The following VAC14 variants were observed in gnomAD, a reference collection of about 807,000 sequenced individuals.
VAC14 encodes the protein VAC14 component of PIKFYVE complex.
In VAC14, 47 loss-of-function variants were observed where a neutral mutation model predicts 85.3. That is an observed-to-expected ratio of 0.55 (90% CI 0.44 to 0.70). The LOEUF (loss-of-function observed/expected upper bound fraction) is 0.70. Ranked by LOEUF, VAC14 falls within the 30% of genes least tolerant of loss-of-function variation. The probability of loss-of-function intolerance (pLI) is 0.00; values close to 1 mark genes in which losing one functional copy is unlikely to be tolerated. For synonymous variants in VAC14, 447 were observed against 430.5 expected (o/e 1.04, Z -0.47); for missense variants, 861 against 1,004.3 (o/e 0.86, Z 1.93).
intron 9 of VAC14, among the ~76,000 whole-genome samples, chr16:70,775,031 C>T (rs1224431144): frequency 2.6e-5 from 4 of 152,024 alleles, no homozygotes; most frequent in Non-Finnish European, 4.4e-5. Flanking sequence ...GGATTACAGG[C>T]GTGAGCCACC....
Position 70,707,543 on chromosome 16 carries a change from T to C in VAC14, c.1662-8732A>G, listed in dbSNP as rs530739276. Among the ~76,000 whole-genome samples, 4 of 152,076 alleles carry C rather than the reference T, an allele frequency of 2.6e-5. No individual in the cohort carries two copies. In the South Asian group the frequency reaches 6.3e-4, roughly 24 times the overall value. On this transcript the variant is annotated intron_variant, in intron 14 of 18. Coordinates refer to ENST00000261776, the MANE Select transcript of VAC14 (RefSeq NM_018052.5). ...TGCTGGGCTCATCTAGAGACCTCCA[T>C]AGAAGGTCTCATCTGGGTGGGAGCT... is the stretch of plus-strand genomic sequence containing the variant.
intron 5 of VAC14, 58 bp downstream of exon 5, chr16:70,784,055 C>T: frequency 7.0e-7 from 1 of 1,426,770 alleles, no homozygotes; most frequent in Non-Finnish European, 9.9e-7. Context: ...CAAGAGTGTG[C>T]TAGAGAGCAG....
intron 12 of VAC14, chr16:70,747,023 C>G (rs2030952678): frequency 6.6e-6 from 1 of 152,206 alleles, no homozygotes; most frequent in African/African-American, 2.4e-5. Flanking sequence ...GCACATCAAA[C>G]TTATATATAA....
intron 9 of VAC14, among the ~76,000 whole-genome samples, chr16:70,776,266 A>G (rs2033513118): frequency 6.6e-6 from 1 of 151,984 alleles, no homozygotes; most frequent in African/African-American, 2.4e-5. Flanking sequence ...TCGCCCAGCT[A>G]ATTTTTTAAA....
At chr16:70,710,591 G>A (rs750156936) in intron 14 of VAC14, among the ~76,000 whole-genome samples, 13 of 152,206 alleles carry the variant, frequency 8.5e-5, no homozygotes, top group Non-Finnish European at 1.3e-4. Context: ...TTCAGGCGAC[G>A]ATTCCCAAAC....
chr16:70,798,061 C>T (rs1350955636), intron 1 of VAC14, among the ~76,000 whole-genome samples: 1 of 152,206 alleles, frequency 6.6e-6, no homozygotes, highest in Non-Finnish European at 1.5e-5. Context: ...TTAGCTCAAA[C>T]AACTCTATGC....
intron 12 of VAC14, among the ~76,000 whole-genome samples, chr16:70,750,622 T>A (rs2031305284): frequency 6.6e-6 from 1 of 151,706 alleles, no homozygotes; most frequent in East Asian, 1.9e-4. Flanking sequence ...TCCACGGTGG[T>A]GACTTTACAC....
chr16:70,698,286 A>AT lies in VAC14; in HGVS notation c.1836+350dup, dbSNP rs534574943. Among the ~76,000 whole-genome samples, 333 of 152,332 alleles carry AT rather than the reference A, an allele frequency of 2.2e-3. 2 individuals carry two copies. Among genetic ancestry groups the AT allele is most frequent in the African/African-American group, 6.9e-3 (289 of 41,584 alleles). ...CTGGCCCTAAGAGGGTGGCACCACC[A>AT]TGCAGGGTGGGCCCACGGCCAGCAG... On this transcript the variant is annotated intron_variant, in intron 15 of 18. Coordinates refer to ENST00000261776, the MANE Select transcript of VAC14 (RefSeq NM_018052.5).
At chr16:70,786,577 G>A in intron 1 of VAC14, 1 of 590,804 alleles carries the variant, frequency 1.7e-6, no homozygotes, top group East Asian at 2.8e-5. Context: ...AATGGAATAA[G>A]GAACAGTGGT....
intron 14 of VAC14, among the ~76,000 whole-genome samples, chr16:70,712,178 C>A (rs2054049016): frequency 6.6e-6 from 1 of 152,100 alleles, no homozygotes; most frequent in South Asian, 2.1e-4. Flanking sequence ...ATGTTCCCTG[C>A]CAGCCCAGGA....
At position 70,762,413 on chromosome 16, in the gene VAC14, G is replaced by C. The variant is rs2032465900; in HGVS notation, c.1371+127C>G. On this transcript the variant is annotated intron_variant, in intron 12 of 18. Transcript: ENST00000261776. The surrounding 1 kb of genome is among the most constrained non-coding windows in gnomAD (Gnocchi z 4.1). Reference sequence around the variant, plus strand: ...GTGAGCCACTGCACCTGGCCCCAAAGTGAGTATTAAACACAGCTTTACCTC... The same window carrying C: ...GTGAGCCACTGCACCTGGCCCCAAACTGAGTATTAAACACAGCTTTACCTC... 1 of 1,008,416 alleles carries C rather than the reference G, an allele frequency of 9.9e-7. No individual in the cohort carries two copies. The highest frequency in any genetic ancestry group is 1.5e-5 in the South Asian group (1 of 68,890). 62.5% of individuals were successfully genotyped at this position (1,008,416 alleles called of 1,614,324 possible). A position where few individuals can be genotyped will look rare whatever the true frequency, so the allele number is the denominator to read the frequency against.
intron 16 of VAC14, 117 bp downstream of exon 16, chr16:70,697,022 T>A: frequency 2.6e-6 from 2 of 767,350 alleles, no homozygotes; most frequent in Non-Finnish European, 4.5e-6. Context: ...TGAGGCTGAG[T>A]GGAGGGGTGG....
chr16:70,692,463 A>G (rs976446219), intron 18 of VAC14, among the ~76,000 whole-genome samples: 1 of 150,426 alleles, frequency 6.6e-6, no homozygotes, highest in Non-Finnish European at 1.5e-5. Flanking sequence ...TGGGGCAGGA[A>G]CTCCTCCCCC....
At chr16:70,783,200 A>T in intron 6 of VAC14, 61 bp from the exon 7 acceptor site, 1 of 1,540,046 alleles carries the variant, frequency 6.5e-7, no homozygotes, top group Non-Finnish European at 8.9e-7. Flanking sequence ...AGGAGCCTCA[A>T]ACCAGCCCCA....
At chr16:70,744,657 G>T (rs764528367) in intron 12 of VAC14, 78 bp from the exon 13 acceptor site, 25 of 1,489,028 alleles carry the variant, frequency 1.7e-5, no homozygotes, top group Non-Finnish European at 2.1e-5. Flanking sequence ...GCGGTTGGTG[G>T]CACACAGCCA....
intron 18 of VAC14, 113 bp downstream of exon 18, chr16:70,692,708 A>T: frequency 7.1e-7 from 1 of 1,414,342 alleles, no homozygotes; most frequent in Non-Finnish European, 9.5e-7. Flanking sequence ...AAGGGGTGGG[A>T]TGCTGAAGTG....
intron 15 of VAC14, among the ~76,000 whole-genome samples, chr16:70,697,891 A>G (rs956907508): frequency 6.6e-6 from 1 of 152,106 alleles, no homozygotes; most frequent in African/African-American, 2.4e-5. Context: ...GGGAGGGTGT[A>G]AGCAGGGTCT....
At chr16:70,728,248 C>T (rs2054488541) in intron 14 of VAC14, among the ~76,000 whole-genome samples, 1 of 152,036 alleles carries the variant, frequency 6.6e-6, no homozygotes, top group Non-Finnish European at 1.5e-5. Flanking sequence ...AGGGAGGACC[C>T]ACTGGCCCAG....
chr16:70,734,421 C>T (rs1482183910), intron 13 of VAC14, among the ~76,000 whole-genome samples: 1 of 152,250 alleles, frequency 6.6e-6, no homozygotes, highest in Non-Finnish European at 1.5e-5. Context: ...GTATTAGCCA[C>T]TGTGCCCAGC....
Sources: gnomAD v4.1 joint callset for allele counts (sites outside exome capture counted in the v4.1 genomes callset) on GRCh38, gnomAD v4.1.1 for gene constraint, Gnocchi (gnomAD v3.1) non-coding constraint, MANE v1.5 for transcripts, NCBI Gene and HGNC (gene_info 2026-07-23, HGNC 2026-07-21) for gene names.